CPA6: variants seen among roughly 807,000 people sequenced by gnomAD.
CPA6 encodes the protein carboxypeptidase A6, also known as carboxypeptidase B.
Under a neutral mutation model 63.3 loss-of-function variants are expected in CPA6, and 58 were observed. The observed-to-expected ratio is 0.92, with a 90% CI of 0.74 to 1.14. The LOEUF is 1.14. CPA6 is among the 50% of genes most tolerant of loss of function. The pLI is 0.00. For missense variants in CPA6, 565 were observed against 526.6 expected, an observed-to-expected ratio of 1.07 and a Z score of -0.71; for synonymous variants, 185 against 179.0, an observed-to-expected ratio of 1.03 and a Z score of -0.27.
At chr8:67,487,130 G>A (rs1811496340) in intron 6 of CPA6, among the ~76,000 whole-genome samples, 1 of 152,142 alleles carries the variant, frequency 6.6e-6, no homozygotes, top group Admixed American at 6.5e-5. Flanking sequence ...AGGTATACAT[G>A]TGCCATGTTG....
chr8:67,561,115 A>G (rs1488262450), intron 2 of CPA6, among the ~76,000 whole-genome samples: 1 of 152,128 alleles, frequency 6.6e-6, no homozygotes, highest in Non-Finnish European at 1.5e-5. Context: ...CAGTGTCTCT[A>G]CCATACCCCC....
At chr8:67,511,854 A>C (rs1255126628) in intron 3 of CPA6, among the ~76,000 whole-genome samples, 199 bp from the exon 4 acceptor site, 1 of 152,230 alleles carries the variant, frequency 6.6e-6, no homozygotes, top group Non-Finnish European at 1.5e-5. Context: ...TTTAACATGT[A>C]AAATTATAGG....
At chr8:67,526,863 A>G (rs1563986956) in intron 2 of CPA6, among the ~76,000 whole-genome samples, 1 of 152,210 alleles carries the variant, frequency 6.6e-6, no homozygotes, top group African/African-American at 2.4e-5. Context: ...TAGATGACTT[A>G]TAAGTACTAA....
At chr8:67,429,498 T>C (rs1454612214) in intron 9 of CPA6, among the ~76,000 whole-genome samples, 1 of 152,132 alleles carries the variant, frequency 6.6e-6, no homozygotes, top group Non-Finnish European at 1.5e-5. Context: ...AGCTCAGAAA[T>C]GCATGAGGCA....
chr8:67,551,038 G>T (rs539262419), intron 2 of CPA6, among the ~76,000 whole-genome samples: 1 of 151,874 alleles, frequency 6.6e-6, no homozygotes, highest in African/African-American at 2.4e-5. Context: ...TCTTTATTTA[G>T]GTTCCACTTG....
chr8:67,531,552 G>A (rs967424991), intron 2 of CPA6, among the ~76,000 whole-genome samples: 14 of 151,984 alleles, frequency 9.2e-5, no homozygotes, highest in African/African-American at 3.4e-4. Flanking sequence ...GAATATAAAT[G>A]TATACGTATA....
intron 3 of CPA6, among the ~76,000 whole-genome samples, chr8:67,515,093 C>T (rs1812115498): frequency 1.3e-5 from 2 of 152,174 alleles, no homozygotes; most frequent in South Asian, 4.1e-4. Flanking sequence ...ACCATCAGCC[C>T]ACCCCAGGCC....
At chr8:67,689,282 T>C (rs1175697805) in intron 1 of CPA6, among the ~76,000 whole-genome samples, 1 of 130,196 alleles carries the variant, frequency 7.7e-6, no homozygotes, top group Non-Finnish European at 1.6e-5. Context: ...TTCAAAAAAA[T>C]TCCACTTTTA....
At chr8:67,429,081 C>T (rs1279628919) in intron 9 of CPA6, among the ~76,000 whole-genome samples, 4 of 152,120 alleles carry the variant, frequency 2.6e-5, no homozygotes, top group African/African-American at 7.2e-5. Flanking sequence ...CTTATCCTCA[C>T]TAGGAATGGA....
intron 8 of CPA6, among the ~76,000 whole-genome samples, chr8:67,444,038 C>T (rs964914107): frequency 7.4e-5 from 11 of 149,650 alleles, no homozygotes; most frequent in African/African-American, 2.7e-4. Flanking sequence ...GTCGCCCAGG[C>T]TGGAGTGCAG....
intron 8 of CPA6, among the ~76,000 whole-genome samples, chr8:67,451,125 C>G (rs779376466): frequency 5.9e-5 from 9 of 152,186 alleles, no homozygotes; most frequent in Non-Finnish European, 1.0e-4. Context: ...AGGGAAGGTG[C>G]TTGTACCTTA....
chr8:67,449,326 T>C (rs1158512995), intron 8 of CPA6, among the ~76,000 whole-genome samples: 1 of 152,214 alleles, frequency 6.6e-6, no homozygotes, highest in Non-Finnish European at 1.5e-5. Flanking sequence ...GTTCTATGTG[T>C]CTATTCTCAC....
intron 2 of CPA6, among the ~76,000 whole-genome samples, chr8:67,560,360 TTCTCAAA>T (rs1280456068): frequency 6.6e-6 from 1 of 152,106 alleles, no homozygotes; most frequent in African/African-American, 2.4e-5. Flanking sequence ...AAGCTACACC[TTCTCAAA>T]CTTCCTATCC....
intron 2 of CPA6, among the ~76,000 whole-genome samples, chr8:67,559,769 G>A (rs1212484991): frequency 6.6e-6 from 1 of 151,754 alleles, no homozygotes; most frequent in Admixed American, 6.6e-5. Flanking sequence ...ATTCAGAGAA[G>A]GCAACAAGAT....
intron 8 of CPA6, among the ~76,000 whole-genome samples, chr8:67,442,765 T>C (rs1345323827): frequency 1.3e-5 from 2 of 152,162 alleles, no homozygotes; most frequent in Non-Finnish European, 2.9e-5. Context: ...TGAGCATAGT[T>C]GACTGACAGC....
chr8:67,618,726 C>A (rs75473401), intron 2 of CPA6, among the ~76,000 whole-genome samples: 1 of 152,076 alleles, frequency 6.6e-6, no homozygotes, highest in African/African-American at 2.4e-5. Context: ...GTTCTTTCTA[C>A]GAGAGTGTGT....
intron 8 of CPA6, among the ~76,000 whole-genome samples, chr8:67,470,220 G>A (rs917126584): frequency 1.3e-5 from 2 of 151,782 alleles, no homozygotes; most frequent in Non-Finnish European, 2.9e-5. Flanking sequence ...AGTAGAGACG[G>A]GGTTTCCCCA....
intron 3 of CPA6, among the ~76,000 whole-genome samples, chr8:67,517,297 C>A (rs2128966686): frequency 6.6e-6 from 1 of 152,232 alleles, no homozygotes; most frequent in Middle Eastern, 3.4e-3. Context: ...CGTGATCCTA[C>A]TATTCTGGTC....
At chr8:67,453,240 G>C (rs979414245) in intron 8 of CPA6, among the ~76,000 whole-genome samples, 4 of 152,112 alleles carry the variant, frequency 2.6e-5, no homozygotes, top group African/African-American at 9.7e-5. Context: ...GTCAGAAAGG[G>C]TTGGAATCTG....
Sources: allele counts gnomAD v4.1 joint callset (sites outside exome capture counted in the v4.1 genomes callset), GRCh38; gene constraint gnomAD v4.1.1; transcripts MANE v1.5; gene names NCBI Gene and HGNC (gene_info 2026-07-23, HGNC 2026-07-21).